Variants in CDC25B observed in about 807,000 individuals in gnomAD.
CDC25B encodes the protein cell division cycle 25B.
CDC25B carries 33 observed loss-of-function variants against 69.8 expected under a neutral mutation model. The ratio of observed to expected loss-of-function variants is 0.47; its 90% CI spans 0.36 to 0.63. CDC25B has a LOEUF of 0.63. Among genes scored for constraint, CDC25B ranks in the 30% least tolerant of loss-of-function variants. The pLI is 0.00. For synonymous variants in CDC25B, 341 were observed against 314.6 expected (o/e 1.08, Z -0.89); for missense variants, 727 against 809.1 (o/e 0.90, Z 1.23).
rs1467443767 is a variant in CDC25B at position 3,796,453 on chromosome 20, C to G, written c.-79C>G. On this transcript the variant is annotated 5_prime_UTR_variant, in exon 1 of 16. Coordinates refer to ENST00000245960, the MANE Select transcript of CDC25B (RefSeq NM_021873.4). Reference sequence around the variant, plus strand: ...CCCACCCCTCGCCCGCTGCCTCCCTCGGCCCAGCCAGCTGTGCCGGCGTTT... The same window carrying G: ...CCCACCCCTCGCCCGCTGCCTCCCTGGGCCCAGCCAGCTGTGCCGGCGTTT... 2.9e-6 allele frequency: 3 copies of G among 1,027,048 alleles called. No homozygotes were observed. The highest frequency in any genetic ancestry group is 1.9e-5 in the African/African-American group (1 of 53,948). The allele number at this position is 1,027,048 out of a possible 1,614,324, so 63.6% of individuals were successfully genotyped here. A position where few individuals can be genotyped will look rare whatever the true frequency, so the allele number is the denominator to read the frequency against.
upstream of CDC25B, among the ~76,000 whole-genome samples, chr20:3,791,752 A>G (rs1044223042): frequency 1.3e-5 from 2 of 152,204 alleles, no homozygotes; most frequent in African/African-American, 4.8e-5. Flanking sequence ...TCTTGTAGAT[A>G]GCACACAGAC....
intron 11 of CDC25B, 78 bp from the exon 12 acceptor site, chr20:3,802,832 G>A: frequency 8.0e-7 from 1 of 1,254,618 alleles, no homozygotes; most frequent in Non-Finnish European, 1.2e-6. Flanking sequence ...TTTTGGGAAT[G>A]AAACTTCATT....
intron 1 of CDC25B, 150 bp downstream of exon 1, chr20:3,796,881 C>G (rs1361622877): frequency 9.5e-7 from 1 of 1,049,998 alleles, no homozygotes; most frequent in Non-Finnish European, 1.3e-6. Flanking sequence ...TTGTTCCCTC[C>G]TAGGGGCCCA....
At chr20:3,801,884 G>A in intron 9 of CDC25B, 40 bp from the exon 10 acceptor site, 2 of 1,590,352 alleles carry the variant, frequency 1.3e-6, no homozygotes, top group South Asian at 2.3e-5. Context: ...GATGGGACGG[G>A]GCCTGGGCAC....
At position 3,801,333 on chromosome 20, in the gene CDC25B, A is replaced by C; in HGVS notation, c.785A>C (p.Glu262Ala). The C allele has an allele frequency of 6.2e-7, 1 of 1,614,074 alleles. No individual in the cohort carries two copies. Among genetic ancestry groups the C allele is most frequent in the Non-Finnish European group, 8.5e-7 (1 of 1,179,976 alleles). Residue 262 changes from glutamate to alanine, a missense_variant, in exon 8 of 16, where the codon GAG becomes GCG. By Grantham distance (107) the Glu-to-Ala change is moderately radical. Transcript: ENST00000245960. ...GGTCGCTTCTCTCTGACCCCTGCAG[A>C]GGGGGATACTGAGGAAGATGATGGA... ...ALGRFSLTPAEGDTEEDDGFV... is the reference protein window; with the variant it reads ...ALGRFSLTPAAGDTEEDDGFV...
upstream of CDC25B, chr20:3,796,145 T>A: frequency 9.1e-7 from 1 of 1,101,578 alleles, no homozygotes; most frequent in Non-Finnish European, 1.1e-6. Flanking sequence ...TCTTAATTCC[T>A]CCGGCCCACC....
chr20:3,801,404 C>T lies in CDC25B; in HGVS notation c.840+16C>T, dbSNP rs185351266. The T allele has an allele frequency of 6.3e-7, 1 of 1,588,466 alleles. No individual in the cohort carries two copies. The highest frequency in any genetic ancestry group is 1.8e-5 in the Admixed American group (1 of 56,364). On this transcript the variant is annotated intron_variant, in intron 8 of 15. Coordinates refer to ENST00000245960, the MANE Select transcript of CDC25B (RefSeq NM_021873.4). ...TGACTTAAAGGTAAACAGCCTTGTC[C>T]CACCAGGCCCCTACCTTCCTATCCC...
At position 3,800,866 on chromosome 20, in the gene CDC25B, G is replaced by A. The variant is rs2089255516; in HGVS notation, c.582+1G>A. ...CAGCTCTGGGGAAGACAAGGAGAAT[G>A]TGCGCTTCTGGAAGGCCGGGGTGGG... On this transcript the variant is annotated splice_donor_variant, in intron 6 of 15. Coordinates refer to ENST00000245960, the MANE Select transcript of CDC25B (RefSeq NM_021873.4). LOFTEE classifies it high-confidence loss of function. 3 of 1,613,816 alleles carry A rather than the reference G, an allele frequency of 1.9e-6. No individual in the cohort carries two copies. Among genetic ancestry groups the A allele is most frequent in the Non-Finnish European group, 2.5e-6 (3 of 1,179,930 alleles).
Position 3,803,173 on chromosome 20 carries a change from A to G in CDC25B, c.1323A>G (p.Arg441=). 6.2e-7 allele frequency: 1 copy of G among 1,613,952 alleles called. No individual in the cohort carries two copies. The highest frequency in any genetic ancestry group is 2.2e-5 in the East Asian group (1 of 44,876). Residue 441 remains arginine (R), a synonymous_variant, in exon 13 of 16, where the codon AGA becomes AGG. Coordinates refer to ENST00000245960, the MANE Select transcript of CDC25B (RefSeq NM_021873.4). This position sits in a 1 kb window ranked among gnomAD's most constrained non-coding sequence, Gnocchi z 4.9. ...ATAAGTTTGTGATTGTAGACTGCAG[A>G]TACCCCTATGAATATGAAGGCGGGC... ...IVDKFVIVDC[R]YPYEYEGGHI...
upstream of CDC25B, chr20:3,796,238 T>G: frequency 3.4e-5 from 41 of 1,196,488 alleles, no homozygotes; most frequent in Middle Eastern, 7.1e-4. Context: ...CGCTACCCCA[T>G]TGGTGGCGTC....
At chr20:3,800,089 C>A (rs993919772) in intron 3 of CDC25B, among the ~76,000 whole-genome samples, 199 bp from the exon 4 acceptor site, 4 of 152,188 alleles carry the variant, frequency 2.6e-5, no homozygotes, top group Admixed American at 6.5e-5. Flanking sequence ...CTTTAAAATT[C>A]CAAGCTGCCT....
chr20:3,786,981 C>T, exon 1 of CDC25B: 2 of 534,220 alleles, frequency 3.7e-6, no homozygotes, highest in Non-Finnish European at 3.2e-6. Context: ...CTGCGCCCGG[C>T]GGACAGCGAC....
chr20:3,793,711 T>C (rs1244293318), upstream of CDC25B, among the ~76,000 whole-genome samples: 2 of 148,560 alleles, frequency 1.3e-5, no homozygotes, highest in Non-Finnish European at 3.0e-5. Flanking sequence ...AACTCGTCAT[T>C]TAGCATTAGG....
chr20:3,798,328 T>C, intron 2 of CDC25B, 84 bp from the exon 3 acceptor site: 1 of 699,954 alleles, frequency 1.4e-6, no homozygotes, highest in Non-Finnish European at 2.2e-6. Context: ...TTTTTTTTTT[T>C]TTTTTTTTTC....
In CDC25B at chr20:3,804,998, C is replaced by T. The variant is rs1236392578; in HGVS notation, c.*37C>T. 1.9e-5 allele frequency: 30 copies of T among 1,597,182 alleles called. No individual in the cohort carries two copies. The highest frequency in any genetic ancestry group is 4.5e-5 in the East Asian group (2 of 44,722). Reference sequence around the variant, plus strand: ...CAGTCCTGCTACCTCCCTTGCCTTTCGAGGCCTGAAGCCAGCTGCCCTATG... The same window carrying T: ...CAGTCCTGCTACCTCCCTTGCCTTTTGAGGCCTGAAGCCAGCTGCCCTATG... On this transcript the variant is annotated 3_prime_UTR_variant, in exon 16 of 16. Coordinates refer to ENST00000245960, the MANE Select transcript of CDC25B (RefSeq NM_021873.4).
At chr20:3,792,364 C>T (rs577283744), upstream of CDC25B, among the ~76,000 whole-genome samples, 1 of 152,214 alleles carries the variant, frequency 6.6e-6, no homozygotes, top group Non-Finnish European at 1.5e-5. Flanking sequence ...CACTCTGTTG[C>T]CCAGGCTGGA....
Position 3,803,370 on chromosome 20 carries a change from C to A in CDC25B, c.1357-34C>A. The stretch of plus-strand genomic sequence containing the variant: ...CGGGGAGGGCCCTGACTCCTGGACC[C>A]GGGGCTGTGCCTGACCTCTGGCTCC... On this transcript the variant is annotated intron_variant, in intron 13 of 15. Coordinates refer to ENST00000245960, the MANE Select transcript of CDC25B (RefSeq NM_021873.4). The surrounding 1 kb of genome is among the most constrained non-coding windows in gnomAD (Gnocchi z 4.9). 1 of 1,613,778 alleles carries A rather than the reference C, an allele frequency of 6.2e-7. No individual in the cohort carries two copies. The highest frequency in any genetic ancestry group is 8.5e-7 in the Non-Finnish European group (1 of 1,179,872).
At chr20:3,795,676 C>T, upstream of CDC25B, 1 of 982,354 alleles carries the variant, frequency 1.0e-6, no homozygotes, top group African/African-American at 1.7e-5. Flanking sequence ...CCCATCAGTT[C>T]CGCTTGGGGG....
upstream of CDC25B, among the ~76,000 whole-genome samples, chr20:3,794,191 T>C (rs562796754): frequency 2.0e-5 from 3 of 150,886 alleles, no homozygotes; most frequent in East Asian, 5.9e-4. Flanking sequence ...TCCACAAGGG[T>C]TGAACTAGTT....
Sources: gnomAD v4.1 joint callset for allele counts (sites outside exome capture counted in the v4.1 genomes callset) on GRCh38, gnomAD v4.1.1 for gene constraint, Gnocchi (gnomAD v3.1) non-coding constraint, MANE v1.5 for transcripts, NCBI Gene and HGNC (gene_info 2026-07-23, HGNC 2026-07-21) for gene names.